The following WDFY2 variants were observed in gnomAD, a reference collection of about 807,000 sequenced individuals.
WDFY2 encodes the protein WD repeat and FYVE domain-containing protein 2.
In WDFY2, 36 loss-of-function variants were observed where a neutral mutation model predicts 56.4. That is an observed-to-expected ratio of 0.64 (90% confidence interval 0.49 to 0.84). The LOEUF is 0.84. Ranked by LOEUF, WDFY2 falls within the 40% of genes least tolerant of loss-of-function variation. The probability of loss-of-function intolerance (pLI) is 0.00; values close to 1 mark genes in which losing one functional copy is unlikely to be tolerated. For synonymous variants in WDFY2, 176 were observed against 183.7 expected (o/e 0.96, Z 0.34); for missense variants, 444 against 512.2 (o/e 0.87, Z 1.29).
intron 1 of WDFY2, among the ~76,000 whole-genome samples, chr13:51,622,927 G>T (rs80190741): frequency 2.0e-5 from 3 of 146,580 alleles, no homozygotes; most frequent in African/African-American, 7.6e-5. Context: ...GTACGATCTC[G>T]GCTCACTGCA....
At chr13:51,698,491 A>G (rs9563067) in intron 3 of WDFY2, among the ~76,000 whole-genome samples, 14,045 of 152,288 alleles carry the variant, frequency 0.092, 952 homozygotes, top group East Asian at 0.29. Context: ...AAAATTCCAG[A>G]TAAAACTAAA....
intron 6 of WDFY2, among the ~76,000 whole-genome samples, chr13:51,738,829 G>A (rs1001498654): frequency 6.6e-6 from 1 of 152,078 alleles, no homozygotes; most frequent in African/African-American, 2.4e-5. Context: ...TACAGTAATT[G>A]ATTTTATGGT....
chr13:51,756,739 C>T, intron 10 of WDFY2: 5 of 706,720 alleles, frequency 7.1e-6, no homozygotes, highest in Non-Finnish European at 8.7e-6. Flanking sequence ...ACAAACCCTT[C>T]TGTCTGCTCA....
At chr13:51,614,578 C>T (rs993708725) in intron 1 of WDFY2, among the ~76,000 whole-genome samples, 9 of 152,178 alleles carry the variant, frequency 5.9e-5, no homozygotes, top group African/African-American at 2.2e-4. Flanking sequence ...GTCAGCATTG[C>T]ATCTGCTTTC....
intron 1 of WDFY2, among the ~76,000 whole-genome samples, chr13:51,628,201 C>T (rs1039922190): frequency 1.3e-5 from 2 of 152,206 alleles, no homozygotes; most frequent in Non-Finnish European, 2.9e-5. Flanking sequence ...TGCGCTGAGC[C>T]GCCCCTCAGG....
intron 5 of WDFY2, among the ~76,000 whole-genome samples, chr13:51,721,069 A>C (rs1041771286): frequency 6.6e-6 from 1 of 152,174 alleles, no homozygotes; most frequent in Non-Finnish European, 1.5e-5. Flanking sequence ...GTGTGTATGT[A>C]TATCACATCA....
chr13:51,692,356 G>A lies in WDFY2; in HGVS notation c.280-11240G>A, dbSNP rs187856950. 3.4e-3 allele frequency among the ~76,000 whole-genome samples: 520 copies of A among 152,244 alleles called. 1 individual carries two copies. The highest frequency in any genetic ancestry group is 5.8e-3 in the Admixed American group (88 of 15,272). The stretch of plus-strand genomic sequence containing the variant: ...TGTCATAGATAGCTCTTATTATTTT[G>A]AAATACGTCCCATCAATACCTAATT... On this transcript the variant is annotated intron_variant, in intron 3 of 11. Transcript: ENST00000298125.
intron 6 of WDFY2, 151 bp from the exon 7 acceptor site, chr13:51,738,898 T>A: frequency 9.6e-7 from 1 of 1,040,538 alleles, no homozygotes; most frequent in Non-Finnish European, 1.3e-6. Context: ...GCCAACTTTT[T>A]TCTCTTTGGG....
intron 2 of WDFY2, among the ~76,000 whole-genome samples, chr13:51,673,558 G>A (rs1299353980): frequency 6.6e-6 from 1 of 152,132 alleles, no homozygotes; most frequent in Non-Finnish European, 1.5e-5. Flanking sequence ...ACTTATGTGT[G>A]TATGTACTTT....
intron 1 of WDFY2, among the ~76,000 whole-genome samples, chr13:51,622,742 G>C (rs1194559383): frequency 6.6e-6 from 1 of 152,112 alleles, no homozygotes; most frequent in Non-Finnish European, 1.5e-5. Context: ...AATTCAGTCA[G>C]GGAGGTAGGT....
intron 1 of WDFY2, among the ~76,000 whole-genome samples, chr13:51,593,527 A>C (rs1954090452): frequency 6.6e-6 from 1 of 152,160 alleles, no homozygotes; most frequent in African/African-American, 2.4e-5. Context: ...GCATATGAGA[A>C]TGTTAGTTTT....
Position 51,625,635 on chromosome 13 carries a change from C to T in WDFY2, c.138-34961C>T, listed in dbSNP as rs144470769. Among the ~76,000 whole-genome samples, 1,177 of 152,216 alleles carry T rather than the reference C, an allele frequency of 7.7e-3. 7 individuals are homozygous for T. The highest frequency in any genetic ancestry group is 0.012 in the Non-Finnish European group (821 of 68,022). On this transcript the variant is annotated intron_variant, in intron 1 of 11. Transcript: ENST00000298125. ...CTCAATTCAGAGGGTTTCAGAAATT[C>T]GATACAAAGGTGGCAGTCATGTATA...
intron 1 of WDFY2, among the ~76,000 whole-genome samples, chr13:51,626,682 T>TATA (rs1954840433): frequency 6.6e-6 from 1 of 152,266 alleles, no homozygotes; most frequent in South Asian, 2.1e-4. Context: ...ATTTGGTGTT[T>TATA]ATAAATTCCT....
chr13:51,759,647 A>C lies in WDFY2; in HGVS notation c.1174-93A>C, dbSNP rs189826043. 5,237 of 1,253,124 alleles carry C rather than the reference A, an allele frequency of 4.2e-3. 20 individuals carry two copies. Among genetic ancestry groups the C allele is most frequent in the Middle Eastern group, 0.013 (59 of 4,496 alleles). The allele number at this position is 1,253,124 out of a possible 1,614,324, so 77.6% of individuals were successfully genotyped here. A position where few individuals can be genotyped will look rare whatever the true frequency, so the allele number is the denominator to read the frequency against. ...TAGTATAGTATGTGGTGGTTTGTTA[A>C]ATGAAAAAAATTTCCTTGAAGAATT... On this transcript the variant is annotated intron_variant, in intron 11 of 11. Coordinates refer to ENST00000298125, the MANE Select transcript of WDFY2 (RefSeq NM_052950.4).
At chr13:51,678,057 G>A (rs1955915741) in intron 3 of WDFY2, among the ~76,000 whole-genome samples, 1 of 152,014 alleles carries the variant, frequency 6.6e-6, no homozygotes, top group South Asian at 2.1e-4. Context: ...TGCCATCTTG[G>A]TCTACAAAGT....
intron 3 of WDFY2, among the ~76,000 whole-genome samples, chr13:51,688,201 T>A (rs1956093610): frequency 6.6e-6 from 1 of 152,196 alleles, no homozygotes; most frequent in South Asian, 2.1e-4. Flanking sequence ...AACCATTTGG[T>A]CCTGCTTCCA....
intron 6 of WDFY2, among the ~76,000 whole-genome samples, chr13:51,730,880 G>A (rs1952708121): frequency 6.6e-6 from 1 of 152,118 alleles, no homozygotes; most frequent in African/African-American, 2.4e-5. Flanking sequence ...AAGGAGAGGG[G>A]AGGTCAAGGT....
chr13:51,732,414 G>A (rs1001678561), intron 6 of WDFY2, among the ~76,000 whole-genome samples: 1 of 152,224 alleles, frequency 6.6e-6, no homozygotes, highest in African/African-American at 2.4e-5. Context: ...GCCACCGTAC[G>A]TGGCCAAAAA....
intron 1 of WDFY2, chr13:51,589,827 G>T (rs1954011087): frequency 6.6e-6 from 1 of 152,108 alleles, no homozygotes; most frequent in Non-Finnish European, 1.5e-5. Context: ...TCACTTGGTG[G>T]TAATAATTGT....
Sources: gnomAD v4.1 joint callset for allele counts (sites outside exome capture counted in the v4.1 genomes callset) on GRCh38, gnomAD v4.1.1 for gene constraint, MANE v1.5 for transcripts, NCBI Gene and HGNC (gene_info 2026-07-23, HGNC 2026-07-21) for gene names.